Variants in DMXL1 observed in about 807,000 individuals in gnomAD.
DMXL1 encodes dmX-like protein 1.
Under a neutral mutation model 319.2 loss-of-function variants are expected in DMXL1, and 99 were observed. The ratio of observed to expected loss-of-function variants is 0.31; its 90% confidence interval spans 0.26 to 0.37. The LOEUF (loss-of-function observed/expected upper bound fraction) is 0.37. Ranked by LOEUF, DMXL1 falls within the 10% of genes least tolerant of loss-of-function variation. The probability of loss-of-function intolerance (pLI) is 1.00; values close to 1 mark genes in which losing one functional copy is unlikely to be tolerated. For synonymous variants in DMXL1, 1,385 were observed against 1,235.2 expected (o/e 1.12, Z -2.54); for missense variants, 3,745 against 3,595.6 (o/e 1.04, Z -1.06).
At chr5:119,221,603 A>G (rs1784657419) in intron 37 of DMXL1, among the ~76,000 whole-genome samples, 1 of 152,152 alleles carries the variant, frequency 6.6e-6, no homozygotes, top group African/African-American at 2.4e-5. Flanking sequence ...CCTTCACACT[A>G]CAGTGGCAGA....
chr5:119,077,169 T>A (rs1445410976), intron 1 of DMXL1, among the ~76,000 whole-genome samples: 1 of 144,332 alleles, frequency 6.9e-6, no homozygotes, highest in African/African-American at 2.9e-5. Context: ...TTTTATTTTA[T>A]TTTTTTGAGG....
Position 119,139,075 on chromosome 5 carries a change from T to C in DMXL1, c.2376+4686T>C, listed in dbSNP as rs555802741. 2.6e-5 allele frequency: 4 copies of C among 152,256 alleles called. No homozygotes were observed. In the East Asian group the frequency reaches 7.7e-4, roughly 29 times the overall value. 9.4% of individuals were successfully genotyped at this position (152,256 alleles called of 1,614,324 possible). On this transcript the variant is annotated intron_variant, in intron 13 of 43. Coordinates refer to ENST00000539542, the MANE Select transcript of DMXL1 (RefSeq NM_001290321.3). Reference sequence around the variant, plus strand: ...CTTCCGAAGTGAAGAAGAAATAAGATCCTTTTTAGATAAACCAATGTTGAG... The same window carrying C: ...CTTCCGAAGTGAAGAAGAAATAAGACCCTTTTTAGATAAACCAATGTTGAG...
intron 28 of DMXL1, among the ~76,000 whole-genome samples, chr5:119,186,645 C>G (rs1053757516): frequency 6.6e-6 from 1 of 152,202 alleles, no homozygotes; most frequent in Non-Finnish European, 1.5e-5. Context: ...GGTAACAAGT[C>G]TAGCAGTACA....
intron 42 of DMXL1, among the ~76,000 whole-genome samples, chr5:119,242,996 C>T (rs555038364): frequency 5.9e-5 from 9 of 152,234 alleles, no homozygotes; most frequent in African/African-American, 2.2e-4. Context: ...AATAGAACTT[C>T]TGGAATGAAC....
At chr5:119,127,843 C>G in intron 9 of DMXL1, 1 of 311,154 alleles carries the variant, frequency 3.2e-6, no homozygotes, top group South Asian at 3.1e-5. Context: ...TGTTTTTAAA[C>G]TATTGGCATT....
chr5:119,128,398 C>T, intron 9 of DMXL1: 1 of 222,276 alleles, frequency 4.5e-6, no homozygotes, highest in East Asian at 1.1e-4. Context: ...TACCATGCTG[C>T]TGTTGATGCT....
rs369890775 is a variant in DMXL1 at position 119,235,835 on chromosome 5, G to A, written c.8467-1487G>A. Among the ~76,000 whole-genome samples the A allele has an allele frequency of 5.5e-4, 83 of 152,148 alleles. No homozygotes were observed. The East Asian group carries it at 0.011, about 20-fold the overall frequency. On this transcript the variant is annotated intron_variant, in intron 39 of 43. Transcript: ENST00000539542. Reference sequence around the variant, plus strand: ...ATGGACAAGGAATGGGAACTGAGTCGATGTGCATCCAAACTATCATTCAAA... The same window carrying A: ...ATGGACAAGGAATGGGAACTGAGTCAATGTGCATCCAAACTATCATTCAAA...
chr5:119,193,779 TATTAA>T, intron 29 of DMXL1, 44 bp from the exon 30 acceptor site: 17 of 1,545,542 alleles, frequency 1.1e-5, no homozygotes, highest in Non-Finnish European at 1.4e-5. Flanking sequence ...TGTTTGAATG[TATTAA>T]ATTAGATATG....
At position 119,173,756 on chromosome 5, in the gene DMXL1, A is replaced by G. The variant is rs1157260780; in HGVS notation, c.6682-1505A>G. 1.4e-3 allele frequency among the ~76,000 whole-genome samples: 134 copies of G among 97,458 alleles called. 2 individuals are homozygous for G. The highest frequency in any genetic ancestry group is 8.4e-3 in the East Asian group (29 of 3,432). 63.9% of individuals were successfully genotyped at this position (97,458 alleles called of 152,430 possible). ...TGTGTGTATATATATATGTGTGTGT[A>G]TATATATATATGTGTGTGTGTATAT... On this transcript the variant is annotated intron_variant, in intron 25 of 43. Transcript: ENST00000539542.
In DMXL1 at chr5:119,178,182, C is replaced by T. The variant is rs761530464; in HGVS notation, c.7073C>T (p.Ala2358Val). The change falls in exon 28 of 44, where the codon GCT becomes GTT. Residue 2358 changes from alanine (A) to valine (V), a missense_variant. By Grantham distance (64) the Ala-to-Val change is moderately conservative. Transcript: ENST00000539542. ...CCTCTAAATGAGAAAATGTGGTCTGCTGTGTTTGGTGGAGGTGCACATGTT... is the reference window on the plus strand; with the variant it reads ...CCTCTAAATGAGAAAATGTGGTCTGTTGTGTTTGGTGGAGGTGCACATGTT... ...AHPLNEKMWS[A>V]VFGGGAHVPS... is the part of the protein sequence containing the mutation. 1.2e-6 allele frequency: 2 copies of T among 1,613,926 alleles called. No homozygotes were observed. Among genetic ancestry groups the T allele is most frequent in the South Asian group, 1.1e-5 (1 of 91,080 alleles).
rs190733656 is a variant in DMXL1 at position 119,085,143 on chromosome 5, G to T, written c.88-12836G>T. ...CAAGAGTTCAAGATCACCCTAGCCA[G>T]CATGGTGAAACCCCGTCTCTATTAA... is the stretch of plus-strand genomic sequence containing the variant. On this transcript the variant is annotated intron_variant, in intron 1 of 43. Transcript: ENST00000539542. Among the ~76,000 whole-genome samples the T allele has an allele frequency of 1.6e-4, 24 of 151,740 alleles. 1 individual carries two copies. Among genetic ancestry groups the T allele is most frequent in the African/African-American group, 5.8e-4 (24 of 41,316 alleles).
intron 4 of DMXL1, among the ~76,000 whole-genome samples, chr5:119,107,415 A>T (rs1268447969): frequency 1.3e-5 from 2 of 152,060 alleles, no homozygotes; most frequent in Non-Finnish European, 2.9e-5. Flanking sequence ...TGGTAAACTG[A>T]TTAATGCCTT....
chr5:119,215,890 G>A (rs796746243), intron 34 of DMXL1, among the ~76,000 whole-genome samples: 41 of 152,082 alleles, frequency 2.7e-4, no homozygotes, highest in African/African-American at 8.2e-4. Context: ...GAAGTCTGGA[G>A]TTCCAGACCA....
Position 119,199,007 on chromosome 5 carries a change from C to G in DMXL1, c.7745+1051C>G, listed in dbSNP as rs148682923. 2.8e-3 allele frequency among the ~76,000 whole-genome samples: 420 copies of G among 152,284 alleles called. 1 individual carries two copies. The highest frequency in any genetic ancestry group is 4.5e-3 in the Admixed American group (69 of 15,306). ...GCACAAACAGTCCTCCTGTCTCACC[C>G]TCCTGAATAGCTGGGATCACAGGCA... On this transcript the variant is annotated intron_variant, in intron 32 of 43. Coordinates refer to ENST00000539542, the MANE Select transcript of DMXL1 (RefSeq NM_001290321.3).
rs143338052 is a variant in DMXL1 at position 119,128,219 on chromosome 5, C to T, written c.1103-992C>T. 489 of 396,294 alleles carry T rather than the reference C, an allele frequency of 1.2e-3. 2 individuals carry two copies. Among genetic ancestry groups the T allele is most frequent in the African/African-American group, 9.0e-3 (427 of 47,230 alleles). 24.5% of individuals were successfully genotyped at this position (396,294 alleles called of 1,614,324 possible). ...ATTCTGTGAGAAGAATCTGGATACT[C>T]TGGAGAATACAGAGTGAAGAATAAT... On this transcript the variant is annotated intron_variant, in intron 9 of 43. Transcript: ENST00000539542.
At chr5:119,239,671 G>A (rs1361840692) in intron 41 of DMXL1, among the ~76,000 whole-genome samples, 2 of 152,074 alleles carry the variant, frequency 1.3e-5, no homozygotes, top group African/African-American at 4.8e-5. Context: ...TGTAAAAATT[G>A]TGGGTCGGGC....
At position 119,171,227 on chromosome 5, in the gene DMXL1, G is replaced by T; in HGVS notation, c.6436G>T (p.Gly2146Cys). 2.5e-6 allele frequency: 4 copies of T among 1,610,438 alleles called. No homozygotes were observed. Among genetic ancestry groups the T allele is most frequent in the Non-Finnish European group, 3.4e-6 (4 of 1,177,792 alleles). ...YCILHGSHGG[G>C]LASVRMELIL... ...CATACTTCATGGATCCCATGGTGGG[G>T]GTCTTGCATCTGTAAGAATGGAATT... Residue 2146 changes from glycine to cysteine, a missense_variant, in exon 24 of 44, where the codon GGT (glycine) becomes TGT (cysteine). Transcript: ENST00000539542.
intron 13 of DMXL1, among the ~76,000 whole-genome samples, chr5:119,137,640 T>C (rs1203372756): frequency 6.6e-6 from 1 of 152,226 alleles, no homozygotes; most frequent in Non-Finnish European, 1.5e-5. Flanking sequence ...GAGCAAGTTC[T>C]CACAAGATCT....
chr5:119,227,486 G>T (rs959740671), intron 38 of DMXL1, among the ~76,000 whole-genome samples: 1 of 152,136 alleles, frequency 6.6e-6, no homozygotes, highest in Non-Finnish European at 1.5e-5. Flanking sequence ...TGGGTTGATT[G>T]CTCTTTTCTT....
Sources: gnomAD v4.1 joint callset for allele counts (sites outside exome capture counted in the v4.1 genomes callset) on GRCh38, gnomAD v4.1.1 for gene constraint, MANE v1.5 for transcripts, NCBI Gene and HGNC (gene_info 2026-07-23, HGNC 2026-07-21) for gene names.